The following ABR variants were observed in gnomAD, a reference collection of about 807,000 sequenced individuals.
The protein encoded by ABR is ABR activator of RhoGEF and GTPase.
ABR carries 35 observed loss-of-function variants against 107.2 expected under a neutral mutation model. That is an observed-to-expected ratio of 0.33 (90% CI 0.25 to 0.43). ABR has a LOEUF of 0.43. Among genes scored for constraint, ABR ranks in the 20% least tolerant of loss-of-function variants. ABR has a pLI of 1.00. For synonymous variants in ABR, 498 were observed against 462.0 expected, an observed-to-expected ratio of 1.08 and a Z score of -1.00; for missense variants, 815 against 1,115.2, an observed-to-expected ratio of 0.73 and a Z score of 3.83.
At chr17:1,213,432 C>A (rs577501854) in intron 1 of ABR, among the ~76,000 whole-genome samples, 2 of 152,344 alleles carry the variant, frequency 1.3e-5, no homozygotes, top group East Asian at 3.9e-4. Context: ...CTCTGTCCCC[C>A]AGGCTGGAGT....
At chr17:1,035,716 C>T (rs922892852) in intron 16 of ABR, among the ~76,000 whole-genome samples, 3 of 128,652 alleles carry the variant, frequency 2.3e-5, no homozygotes, top group Admixed American at 1.6e-4. Flanking sequence ...AAGGCCCCCA[C>T]GAACAGATGT....
intron 6 of ABR, among the ~76,000 whole-genome samples, chr17:1,077,661 T>C (rs1419857919): frequency 6.6e-6 from 1 of 152,048 alleles, no homozygotes; most frequent in Non-Finnish European, 1.5e-5. Flanking sequence ...CCAGGAAACC[T>C]GCCATCTCTC....
chr17:1,163,114 G>C (rs188908801), intron 1 of ABR, among the ~76,000 whole-genome samples: 1 of 152,270 alleles, frequency 6.6e-6, no homozygotes, highest in Admixed American at 6.5e-5. Context: ...CCATTAATTT[G>C]TGCCTCTCTG....
At chr17:1,089,537 CAG>C (rs1209032852) in intron 4 of ABR, among the ~76,000 whole-genome samples, 2 of 152,202 alleles carry the variant, frequency 1.3e-5, no homozygotes, top group Non-Finnish European at 2.9e-5. Flanking sequence ...ACTCTCAGGA[CAG>C]AAATCTCAGG....
In ABR at chr17:1,011,853, G is replaced by A. The variant is rs758457749; in HGVS notation, c.2094C>T (p.Phe698=). ...ATDIQALKAV[F]DANNKDILLM... ...TGGGCCTCCCAGACTCACTGGCATC[G>A]AAGACGGCCTTGAGCGCCTGGATGT... The change falls in exon 19 of 23, where the codon TTC becomes TTT. Residue 698 remains phenylalanine (F), a synonymous_variant. Coordinates refer to ENST00000302538, the MANE Select transcript of ABR (RefSeq NM_021962.5). This position sits in a 1 kb window ranked among gnomAD's most constrained non-coding sequence, Gnocchi z 4.8. 1.5e-5 allele frequency: 23 copies of A among 1,576,402 alleles called. No individual in the cohort carries two copies. Among genetic ancestry groups the A allele is most frequent in the South Asian group, 4.6e-5 (4 of 87,228 alleles).
At chr17:1,062,069 AG>A (rs1194073909) in intron 10 of ABR, among the ~76,000 whole-genome samples, 1 of 152,178 alleles carries the variant, frequency 6.6e-6, no homozygotes, top group African/African-American at 2.4e-5. Flanking sequence ...GAAGCTTCCC[AG>A]GGGTGGTGAG....
At chr17:1,222,861 T>A (rs1432745950) in intron 1 of ABR, among the ~76,000 whole-genome samples, 1 of 151,906 alleles carries the variant, frequency 6.6e-6, no homozygotes, top group Non-Finnish European at 1.5e-5. Flanking sequence ...GTGAGCTGTG[T>A]TCATGCCACT....
intron 1 of ABR, among the ~76,000 whole-genome samples, chr17:1,212,937 T>C (rs1174822568): frequency 6.6e-6 from 1 of 151,798 alleles, no homozygotes; most frequent in Non-Finnish European, 1.5e-5. Flanking sequence ...GGAGAAGCTG[T>C]ATCTGGGATG....
At chr17:1,191,278 GCTTC>G (rs540725718), upstream of ABR, among the ~76,000 whole-genome samples, 184 of 151,768 alleles carry the variant, frequency 1.2e-3, 2 homozygotes, top group African/African-American at 4.2e-3. Context: ...CTCCCGCCAA[GCTTC>G]CTGCCAGCTT....
chr17:1,113,531 C>T (rs996133242), intron 2 of ABR, among the ~76,000 whole-genome samples: 3 of 152,022 alleles, frequency 2.0e-5, no homozygotes, highest in Admixed American at 2.0e-4. Flanking sequence ...AGGTGATCCA[C>T]CCGCCTCGGC....
chr17:1,012,327 G>A, intron 18 of ABR: 1 of 640,026 alleles, frequency 1.6e-6, no homozygotes, highest in South Asian at 1.5e-5. Context: ...TGAGACAAGG[G>A]GCCAGGGTGG....
At chr17:1,095,205 T>A in intron 3 of ABR, among the ~76,000 whole-genome samples, 1 of 152,174 alleles carries the variant, frequency 6.6e-6, no homozygotes, top group Non-Finnish European at 1.5e-5. Flanking sequence ...GACGCGCTCA[T>A]CTGCCACCCA....
intron 1 of ABR, among the ~76,000 whole-genome samples, chr17:1,216,061 T>C (rs1323588512): frequency 6.6e-6 from 1 of 150,864 alleles, no homozygotes; most frequent in Non-Finnish European, 1.5e-5. Context: ...GTCCTCTGCC[T>C]AGGAAAACCA....
At chr17:1,124,023 C>G (rs1408442591) in intron 2 of ABR, among the ~76,000 whole-genome samples, 1 of 152,188 alleles carries the variant, frequency 6.6e-6, no homozygotes, top group Non-Finnish European at 1.5e-5. Context: ...TGGACTGCCG[C>G]TAAACTCGGC....
intron 16 of ABR, among the ~76,000 whole-genome samples, chr17:1,023,824 A>C (rs1207885088): frequency 6.6e-6 from 1 of 152,144 alleles, no homozygotes; most frequent in African/African-American, 2.4e-5. Flanking sequence ...CAGGAGTTCG[A>C]GACCAGCCTG....
At chr17:1,161,227 C>G (rs561375801) in intron 1 of ABR, among the ~76,000 whole-genome samples, 1 of 151,252 alleles carries the variant, frequency 6.6e-6, no homozygotes, top group East Asian at 1.9e-4. Flanking sequence ...GTTGGAAATC[C>G]CCGTCACCCA....
chr17:1,111,101 T>C (rs1188768013), intron 2 of ABR, among the ~76,000 whole-genome samples: 2 of 152,136 alleles, frequency 1.3e-5, no homozygotes, highest in African/African-American at 4.8e-5. Flanking sequence ...GAGTCAGACC[T>C]GCAGGTGACA....
At chr17:1,178,845 CA>C (rs2042011779) in intron 1 of ABR, among the ~76,000 whole-genome samples, 1 of 130,560 alleles carries the variant, frequency 7.7e-6, no homozygotes, top group Admixed American at 9.0e-5. Context: ...GGAGCAGGAG[CA>C]AGGTGCGGTG....
Position 1,084,462 on chromosome 17 carries a change from C to T in ABR, c.532-835G>A, listed in dbSNP as rs1010223798. Among the ~76,000 whole-genome samples, 1 of 152,234 alleles carries T rather than the reference C, an allele frequency of 6.6e-6. No homozygotes were observed. The highest frequency in any genetic ancestry group is 2.4e-5 in the African/African-American group (1 of 41,468). ...CCCGTCCTCACCTCTTCCACCTCCTCTACCTCCAAGGAGCCAAAGCCCCAG... is the reference window on the plus strand; with the variant it reads ...CCCGTCCTCACCTCTTCCACCTCCTTTACCTCCAAGGAGCCAAAGCCCCAG... On this transcript the variant is annotated intron_variant, in intron 4 of 22. Coordinates refer to ENST00000302538, the MANE Select transcript of ABR (RefSeq NM_021962.5). This position sits in a 1 kb window ranked among gnomAD's most constrained non-coding sequence, Gnocchi z 4.2.
Sources: gnomAD v4.1 joint callset for allele counts (sites outside exome capture counted in the v4.1 genomes callset) on GRCh38, gnomAD v4.1.1 for gene constraint, Gnocchi (gnomAD v3.1) non-coding constraint, MANE v1.5 for transcripts, NCBI Gene and HGNC (gene_info 2026-07-23, HGNC 2026-07-21) for gene names.